The following RHBDD2 variants were observed in gnomAD, a reference collection of about 807,000 sequenced individuals.
RHBDD2 encodes the protein rhomboid domain-containing protein 2.
RHBDD2 carries 13 observed loss-of-function variants against 21.7 expected under a neutral mutation model. That is an observed-to-expected ratio of 0.60 (90% CI 0.39 to 0.95). The LOEUF (loss-of-function observed/expected upper bound fraction) is 0.95, where lower values mean the gene tolerates loss of function less well. Among genes scored for constraint, RHBDD2 ranks in the 40% least tolerant of loss-of-function variants. The pLI is 0.00. For missense variants in RHBDD2, 473 were observed against 478.9 expected, an observed-to-expected ratio of 0.99 and a Z score of 0.11; for synonymous variants, 225 against 220.0, an observed-to-expected ratio of 1.02 and a Z score of -0.20.
chr7:75,882,019 G>A lies in RHBDD2; in HGVS notation c.369G>A (p.Leu123=), dbSNP rs1005737713. The A allele has an allele frequency of 5.0e-6, 8 of 1,614,098 alleles. No individual in the cohort carries two copies. The highest frequency in any genetic ancestry group is 6.8e-6 in the Non-Finnish European group (8 of 1,180,042). ...IFLSFEAVSS[L]SKLGEVEDAR... ...TGTCATTCGAGGCTGTGTCATCACT[G>A]TCAAAGCTGGGGGAAGTGGAGGATG... The change falls in exon 2 of 4, where the codon CTG becomes CTA. Residue 123 remains leucine (L), a synonymous_variant. Transcript: ENST00000006777.
At chr7:75,881,733 G>T (rs147835107) in intron 1 of RHBDD2, 96 bp from the exon 2 acceptor site, 40 of 1,265,926 alleles carry the variant, frequency 3.2e-5, no homozygotes, top group Non-Finnish European at 4.2e-5. Context: ...TCTCTGTCAC[G>T]GAGGGGGGCT....
intron 3 of RHBDD2, among the ~76,000 whole-genome samples, chr7:75,884,421 G>C (rs1239197116): frequency 4.0e-5 from 6 of 151,862 alleles, no homozygotes; most frequent in African/African-American, 1.5e-4. Context: ...GGTCTCCACT[G>C]TGTTACCAAG....
intron 3 of RHBDD2, among the ~76,000 whole-genome samples, chr7:75,886,425 C>A (rs1182678519): frequency 2.0e-5 from 3 of 152,098 alleles, no homozygotes; most frequent in African/African-American, 7.2e-5. Flanking sequence ...CTGTCTGTCA[C>A]CAAGGAATCC....
At chr7:75,879,927 T>G (rs1196174759) in intron 1 of RHBDD2, among the ~76,000 whole-genome samples, 2 of 152,214 alleles carry the variant, frequency 1.3e-5, no homozygotes, top group Non-Finnish European at 2.9e-5. Flanking sequence ...TCTCCGTGTC[T>G]TCCTCATTTT....
In RHBDD2 at chr7:75,879,223, C is replaced by A. The variant is rs1212008551; in HGVS notation, c.141C>A (p.Gly47=). The A allele has an allele frequency of 3.3e-6, 5 of 1,522,368 alleles. No homozygotes were observed. The highest frequency in any genetic ancestry group is 4.4e-6 in the Non-Finnish European group (5 of 1,133,670). 94.3% of individuals were successfully genotyped at this position (1,522,368 alleles called of 1,614,324 possible). A position where few individuals can be genotyped will look rare whatever the true frequency, so the allele number is the denominator to read the frequency against. ...TGCAGCAGCCCCTGGCGCCCTCGGG[C>A]CTCACGCTGAAGTCCGAGGCCCTTC... ...FLLQQPLAPS[G]LTLKSEALRN... is the part of the protein sequence containing the mutation. The change falls in exon 1 of 4, where the codon GGC becomes GGA. Residue 47 remains glycine (G), a synonymous_variant. Transcript: ENST00000006777.
intron 1 of RHBDD2, among the ~76,000 whole-genome samples, chr7:75,879,895 C>A (rs1388550877): frequency 6.6e-6 from 1 of 152,164 alleles, no homozygotes; most frequent in Admixed American, 6.5e-5. Context: ...TATAAACATC[C>A]ATTCCTGAAA....
chr7:75,882,989 C>G (rs1402803867), intron 2 of RHBDD2, among the ~76,000 whole-genome samples: 1 of 152,174 alleles, frequency 6.6e-6, no homozygotes, highest in Non-Finnish European at 1.5e-5. Context: ...CATGGTCGCA[C>G]TGAGGCAGGT....
chr7:75,887,625 G>C (rs1308705781), intron 3 of RHBDD2, among the ~76,000 whole-genome samples: 3 of 152,000 alleles, frequency 2.0e-5, no homozygotes, highest in Non-Finnish European at 4.4e-5. Flanking sequence ...TGCCCAGCCT[G>C]AATCCGTTCT....
chr7:75,879,354 C>A, intron 1 of RHBDD2, 94 bp downstream of exon 1: 1 of 1,206,426 alleles, frequency 8.3e-7, no homozygotes, highest in Non-Finnish European at 1.1e-6. Flanking sequence ...CCCCTTCAGG[C>A]CTCACCGCCA....
At chr7:75,881,238 C>A in intron 1 of RHBDD2, 1 of 722,546 alleles carries the variant, frequency 1.4e-6, no homozygotes, top group Non-Finnish European at 2.1e-6. Context: ...CATCAGTTTA[C>A]CTGTGAGATC....
At chr7:75,885,255 G>A (rs1554543609) in intron 3 of RHBDD2, among the ~76,000 whole-genome samples, 1 of 152,150 alleles carries the variant, frequency 6.6e-6, no homozygotes, top group Non-Finnish European at 1.5e-5. Flanking sequence ...GTGCTGGTAA[G>A]CCGCCAGAGC....
chr7:75,888,412 C>A lies in RHBDD2; in HGVS notation c.*63C>A. 7.5e-7 allele frequency: 1 copy of A among 1,340,546 alleles called. No individual in the cohort carries two copies. The highest frequency in any genetic ancestry group is 1.0e-6 in the Non-Finnish European group (1 of 959,212). 83.0% of individuals were successfully genotyped at this position (1,340,546 alleles called of 1,614,324 possible). On this transcript the variant is annotated 3_prime_UTR_variant, in exon 4 of 4. Coordinates refer to ENST00000006777, the MANE Select transcript of RHBDD2 (RefSeq NM_001040456.3). ...AAGGTCCTCCCTAAGAGTCTCCTGA[C>A]AAAAGTTACTTATTGAACACCTCTA...
chr7:75,883,902 T>TA, intron 3 of RHBDD2, 54 bp downstream of exon 3: 2 of 1,431,034 alleles, frequency 1.4e-6, no homozygotes, highest in Non-Finnish European at 1.9e-6. Context: ...AAAAAATTAT[T>TA]TTTTTTTTTT....
chr7:75,881,518 A>T (rs1343299885), intron 1 of RHBDD2: 4 of 1,328,408 alleles, frequency 3.0e-6, no homozygotes, highest in Non-Finnish European at 3.9e-6. Flanking sequence ...AAAAAGGATT[A>T]TAAAGCACTT....
intron 3 of RHBDD2, among the ~76,000 whole-genome samples, chr7:75,884,163 G>T (rs570834170): frequency 4.1e-4 from 62 of 152,256 alleles, no homozygotes; most frequent in African/African-American, 1.4e-3. Context: ...AAAGTGCTGG[G>T]ATTACAGGCG....
rs781939054 is a variant in RHBDD2 at position 75,882,087 on chromosome 7, C to A, written c.437C>A (p.Thr146Asn). The A allele has an allele frequency of 5.0e-6, 8 of 1,614,204 alleles. No homozygotes were observed. The East Asian group carries it at 1.8e-4, about 36-fold the overall frequency. Reference sequence around the variant, plus strand: ...GTGGCCTTTGCCATGCTGGGAGTCACCACCGTCCGTTCTCGGATGAGGCGG... The same window carrying A: ...GTGGCCTTTGCCATGCTGGGAGTCAACACCGTCCGTTCTCGGATGAGGCGG... ...TPVAFAMLGV[T>N]TVRSRMRRAL... The change falls in exon 2 of 4, where the codon ACC (threonine) becomes AAC (asparagine). Residue 146 changes from threonine (T) to asparagine (N), a missense_variant. By Grantham distance (65) the Thr-to-Asn change is moderately conservative. Coordinates refer to ENST00000006777, the MANE Select transcript of RHBDD2 (RefSeq NM_001040456.3).
chr7:75,886,278 T>C (rs1418640894), intron 3 of RHBDD2, among the ~76,000 whole-genome samples: 1 of 152,212 alleles, frequency 6.6e-6, no homozygotes, highest in Non-Finnish European at 1.5e-5. Context: ...CCAGGAGGGC[T>C]GCTGGGAAAA....
In RHBDD2 at chr7:75,882,056, A is replaced by G; in HGVS notation, c.406A>G (p.Thr136Ala). The G allele has an allele frequency of 6.2e-7, 1 of 1,613,844 alleles. No homozygotes were observed. The highest frequency in any genetic ancestry group is 1.1e-5 in the South Asian group (1 of 91,048). The change falls in exon 2 of 4, where the codon ACC becomes GCC. Residue 136 changes from threonine (T) to alanine (A), a missense_variant. Coordinates refer to ENST00000006777, the MANE Select transcript of RHBDD2 (RefSeq NM_001040456.3). ...GGAAGTGGAGGATGCCAGAGGTTTCACCCCAGTGGCCTTTGCCATGCTGGG... is the reference window on the plus strand; with the variant it reads ...GGAAGTGGAGGATGCCAGAGGTTTCGCCCCAGTGGCCTTTGCCATGCTGGG... ...LGEVEDARGF[T>A]PVAFAMLGVT... is the part of the protein sequence containing the mutation.
Position 75,879,088 on chromosome 7 carries a change from G to A in RHBDD2, c.6G>A (p.Ala2=), listed in dbSNP as rs1331539234. 2.9e-6 allele frequency: 4 copies of A among 1,360,196 alleles called. No homozygotes were observed. The South Asian group carries it at 5.1e-5, about 17-fold the overall frequency. The allele number at this position is 1,360,196 out of a possible 1,614,324, so 84.3% of individuals were successfully genotyped here. A position where few individuals can be genotyped will look rare whatever the true frequency, so the allele number is the denominator to read the frequency against. Residue 2 remains alanine (A), a synonymous_variant, in exon 1 of 4, where the codon GCG becomes GCA. Coordinates refer to ENST00000006777, the MANE Select transcript of RHBDD2 (RefSeq NM_001040456.3). ...GCGCGGGAACGACGGCGGCCATGGC[G>A]GCCTCGGGGCCCGGGTGTCGCAGCT... is the stretch of plus-strand genomic sequence containing the variant. M[A]ASGPGCRSWC...
Sources: gnomAD v4.1 joint callset for allele counts (sites outside exome capture counted in the v4.1 genomes callset) on GRCh38, gnomAD v4.1.1 for gene constraint, MANE v1.5 for transcripts, NCBI Gene and HGNC (gene_info 2026-07-23, HGNC 2026-07-21) for gene names.